KCNJ3: variants seen among roughly 807,000 people sequenced by gnomAD.
KCNJ3 encodes the protein potassium inwardly rectifying channel subfamily J member 3.
KCNJ3 carries 4 observed loss-of-function variants against 39.2 expected under a neutral mutation model. The ratio of observed to expected loss-of-function variants is 0.10; its 90% confidence interval spans 0.05 to 0.23. KCNJ3 has a LOEUF of 0.23. Ranked by LOEUF, KCNJ3 falls within the 10% of genes least tolerant of loss-of-function variation. The pLI is 1.00. For missense variants in KCNJ3, 276 were observed against 634.9 expected, an observed-to-expected ratio of 0.43 and a Z score of 6.08; for synonymous variants, 230 against 237.4, an observed-to-expected ratio of 0.97 and a Z score of 0.29.
chr2:154,819,514 T>TTTTA (rs1477522291), intron 2 of KCNJ3, among the ~76,000 whole-genome samples: 5 of 151,952 alleles, frequency 3.3e-5, no homozygotes, highest in Admixed American at 1.3e-4. Context: ...CACAATAACA[T>TTTTA]TTTATTTATT....
At chr2:154,706,098 ACTT>A in intron 1 of KCNJ3, among the ~76,000 whole-genome samples, 2 of 152,250 alleles carry the variant, frequency 1.3e-5, no homozygotes, top group South Asian at 4.1e-4. Flanking sequence ...TTAGTAATCA[ACTT>A]CTTATAAATT....
At chr2:154,808,272 C>T (rs751301510) in intron 2 of KCNJ3, among the ~76,000 whole-genome samples, 1 of 151,588 alleles carries the variant, frequency 6.6e-6, no homozygotes, top group Non-Finnish European at 1.5e-5. Context: ...GTAGAGATGG[C>T]GTTTCACCAT....
chr2:154,752,964 CT>C (rs1468094040), intron 2 of KCNJ3, among the ~76,000 whole-genome samples: 7 of 151,972 alleles, frequency 4.6e-5, no homozygotes, highest in Non-Finnish European at 1.0e-4. Context: ...GTATGTGACA[CT>C]GTTAATAAAA....
intron 2 of KCNJ3, among the ~76,000 whole-genome samples, chr2:154,778,358 G>A (rs1207162310): frequency 6.6e-6 from 1 of 152,150 alleles, no homozygotes; most frequent in Non-Finnish European, 1.5e-5. Context: ...AGTGAATTGA[G>A]ATATTTAAAG....
chr2:154,763,112 A>G (rs941733372), intron 2 of KCNJ3, among the ~76,000 whole-genome samples: 3 of 152,222 alleles, frequency 2.0e-5, no homozygotes, highest in African/African-American at 7.2e-5. Flanking sequence ...GTAACTTTGG[A>G]ATTCACATTT....
chr2:154,749,822 C>T (rs1417301895), intron 2 of KCNJ3, among the ~76,000 whole-genome samples: 3 of 151,868 alleles, frequency 2.0e-5, no homozygotes, highest in Admixed American at 6.6e-5. Context: ...AAGTTTTCCT[C>T]ATGTCTTGGC....
intron 2 of KCNJ3, among the ~76,000 whole-genome samples, chr2:154,802,539 T>C (rs1558878037): frequency 6.6e-6 from 1 of 152,184 alleles, no homozygotes; most frequent in African/African-American, 2.4e-5. Flanking sequence ...ATCATGATTG[T>C]ATCTTTTAAG....
At chr2:154,829,443 C>G (rs1183487309) in intron 2 of KCNJ3, among the ~76,000 whole-genome samples, 1 of 152,102 alleles carries the variant, frequency 6.6e-6, no homozygotes, top group Non-Finnish European at 1.5e-5. Context: ...ATCCATATTG[C>G]TGCAAAGAAC....
intron 2 of KCNJ3, among the ~76,000 whole-genome samples, chr2:154,820,559 A>T (rs1687155744): frequency 1.3e-5 from 2 of 152,258 alleles, no homozygotes; most frequent in African/African-American, 4.8e-5. Context: ...TTTCCTATCA[A>T]CTTTTCTCCT....
intron 2 of KCNJ3, among the ~76,000 whole-genome samples, chr2:154,781,780 A>G (rs1201648738): frequency 6.6e-6 from 1 of 152,212 alleles, no homozygotes; most frequent in South Asian, 2.1e-4. Flanking sequence ...TGTAATGAAT[A>G]TAGAGATTAT....
chr2:154,736,459 G>A (rs1345324269), intron 2 of KCNJ3, among the ~76,000 whole-genome samples: 1 of 141,866 alleles, frequency 7.0e-6, no homozygotes, highest in Non-Finnish European at 1.5e-5. Flanking sequence ...GACTCTGCTT[G>A]TGGCCCCCGA....
chr2:154,749,020 AT>A (rs1275472388), intron 2 of KCNJ3, among the ~76,000 whole-genome samples: 2 of 152,150 alleles, frequency 1.3e-5, no homozygotes, highest in Non-Finnish European at 2.9e-5. Flanking sequence ...AGCAGATATT[AT>A]TCCCATTTAA....
chr2:154,825,256 T>G (rs1304282386), intron 2 of KCNJ3, among the ~76,000 whole-genome samples: 1 of 152,154 alleles, frequency 6.6e-6, no homozygotes, highest in South Asian at 2.1e-4. Flanking sequence ...TCAGGGTGAA[T>G]GCCCAGCTTT....
intron 2 of KCNJ3, among the ~76,000 whole-genome samples, chr2:154,848,380 TA>T (rs1205340408): frequency 6.6e-6 from 1 of 152,102 alleles, no homozygotes; most frequent in Non-Finnish European, 1.5e-5. Flanking sequence ...ATAAAACCTA[TA>T]TAGCACACTA....
intron 2 of KCNJ3, among the ~76,000 whole-genome samples, chr2:154,836,207 CAAAA>C (rs371432293): frequency 0.36 from 26,951 of 74,926 alleles, 3,272 homozygotes; most frequent in East Asian, 0.57. Context: ...AAGACTGTCT[CAAAA>C]AAAAAAACAA....
At chr2:154,740,838 C>G (rs1558861483) in intron 2 of KCNJ3, among the ~76,000 whole-genome samples, 1 of 151,978 alleles carries the variant, frequency 6.6e-6, no homozygotes, top group Non-Finnish European at 1.5e-5. Flanking sequence ...AGTTCTAGCT[C>G]TGTACCTGAC....
At chr2:154,829,233 A>G (rs1034711545) in intron 2 of KCNJ3, among the ~76,000 whole-genome samples, 1 of 152,104 alleles carries the variant, frequency 6.6e-6, no homozygotes, top group Non-Finnish European at 1.5e-5. Flanking sequence ...CACCCAGATA[A>G]TGAGCGTAGT....
At chr2:154,716,165 C>G (rs967407322) in intron 2 of KCNJ3, among the ~76,000 whole-genome samples, 13 of 151,588 alleles carry the variant, frequency 8.6e-5, no homozygotes, top group African/African-American at 3.2e-4. Context: ...GGTGCGATCT[C>G]GGCTCACTGC....
At chr2:154,794,714 T>A (rs930622484) in intron 2 of KCNJ3, among the ~76,000 whole-genome samples, 1 of 152,038 alleles carries the variant, frequency 6.6e-6, no homozygotes, top group African/African-American at 2.4e-5. Flanking sequence ...AATACTTCCA[T>A]TTATGTGAAG....
Sources: gnomAD v4.1 joint callset for allele counts (sites outside exome capture counted in the v4.1 genomes callset) on GRCh38, gnomAD v4.1.1 for gene constraint, MANE v1.5 for transcripts, NCBI Gene and HGNC (gene_info 2026-07-23, HGNC 2026-07-21) for gene names.